Variants in POMT2 observed in about 807,000 individuals in gnomAD.
POMT2 encodes the protein protein O-mannosyltransferase 2.
A neutral mutation model predicts 100.0 loss-of-function variants in POMT2; 75 were observed. The ratio of observed to expected loss-of-function variants is 0.75; its 90% confidence interval spans 0.62 to 0.91. The LOEUF (loss-of-function observed/expected upper bound fraction) is 0.91. POMT2 is among the 40% of genes least tolerant of loss of function. The pLI, the probability that POMT2 is intolerant of heterozygous loss-of-function variation, is 0.00. For missense variants in POMT2, 940 were observed against 955.1 expected, an observed-to-expected ratio of 0.98 and a Z score of 0.21; for synonymous variants, 378 against 374.1, an observed-to-expected ratio of 1.01 and a Z score of -0.12.
chr14:77,280,318 C>A, intron 16 of POMT2, 74 bp downstream of exon 16: 1 of 1,604,502 alleles, frequency 6.2e-7, no homozygotes, highest in Non-Finnish European at 8.5e-7. Flanking sequence ...GTACACCCAC[C>A]CCCGCCTCCA....
At chr14:77,293,824 C>G (rs1384198239) in intron 9 of POMT2, among the ~76,000 whole-genome samples, 4 of 152,226 alleles carry the variant, frequency 2.6e-5, no homozygotes, top group Non-Finnish European at 2.9e-5. Flanking sequence ...CAGAGCCTTT[C>G]AGAGTTTGGC....
chr14:77,311,056 T>C (rs1044066509), intron 2 of POMT2, among the ~76,000 whole-genome samples: 9 of 152,276 alleles, frequency 5.9e-5, no homozygotes, highest in Admixed American at 5.9e-4. Context: ...TCACTTAAAC[T>C]TGGGAAGCAG....
At chr14:77,315,796 G>C (rs1335001580) in intron 1 of POMT2, among the ~76,000 whole-genome samples, 1 of 152,230 alleles carries the variant, frequency 6.6e-6, no homozygotes, top group African/African-American at 2.4e-5. Context: ...CGGATCACCT[G>C]AGGTCAGGAG....
At position 77,311,822 on chromosome 14, in the gene POMT2, G is replaced by A. The variant is rs549628640; in HGVS notation, c.333+127C>T. 1.9e-5 allele frequency: 27 copies of A among 1,443,478 alleles called. No homozygotes were observed. In the South Asian group the frequency reaches 3.7e-4, roughly 20 times the overall value. The allele number at this position is 1,443,478 out of a possible 1,614,324, so 89.4% of individuals were successfully genotyped here. On this transcript the variant is annotated intron_variant, in intron 2 of 20. Coordinates refer to ENST00000261534, the MANE Select transcript of POMT2 (RefSeq NM_013382.7). ...TCCATGAAAGTAGCTGGTCTGAAAT[G>A]TCAGAAAATTCTTTCTACAAGTCCC...
At chr14:77,283,213 AAAC>A (rs1890292571) in intron 15 of POMT2, among the ~76,000 whole-genome samples, 1 of 152,360 alleles carries the variant, frequency 6.6e-6, no homozygotes, top group Middle Eastern at 3.4e-3. Context: ...TGCTGCATAT[AAAC>A]AACACACTCA....
intron 1 of POMT2, 63 bp from the exon 2 acceptor site, chr14:77,312,096 C>T: frequency 6.3e-7 from 1 of 1,585,044 alleles, no homozygotes; most frequent in Admixed American, 1.8e-5. Context: ...AAATGGCCTT[C>T]ATAAAGCATG....
intron 15 of POMT2, among the ~76,000 whole-genome samples, chr14:77,282,378 G>A (rs1890267797): frequency 6.6e-6 from 1 of 152,150 alleles, no homozygotes; most frequent in South Asian, 2.1e-4. Flanking sequence ...CAGGTCCCGG[G>A]CCACTACTCA....
intron 1 of POMT2, 51 bp from the exon 2 acceptor site, chr14:77,312,084 C>T (rs372035729): frequency 8.8e-6 from 14 of 1,599,520 alleles, no homozygotes; most frequent in Admixed American, 3.4e-5. Context: ...ATCATAAAAT[C>T]CAAATGGCCT....
rs374803680 is a variant in POMT2 at position 77,288,726 on chromosome 14, G to C, written c.1253+36C>G. The stretch of plus-strand genomic sequence containing the variant: ...AAATAACTCCCTCCCCTTGGTGCCC[G>C]TACCATTTATTTATCCAAACTGCAA... On this transcript the variant is annotated intron_variant, in intron 11 of 20. Transcript: ENST00000261534. 1.9e-6 allele frequency: 3 copies of C among 1,568,248 alleles called. No individual in the cohort carries two copies. The Admixed American group carries it at 5.0e-5, about 26-fold the overall frequency.
chr14:77,303,486 C>T (rs1256704447), intron 4 of POMT2, among the ~76,000 whole-genome samples: 1 of 152,162 alleles, frequency 6.6e-6, no homozygotes, highest in Admixed American at 6.5e-5. Context: ...AGAGTCTGTG[C>T]GGTCTCCCTA....
At chr14:77,280,231 G>A in intron 16 of POMT2, 151 bp from the exon 17 acceptor site, 1 of 1,559,006 alleles carries the variant, frequency 6.4e-7, no homozygotes, top group South Asian at 1.2e-5. Context: ...GGGAAGCAGG[G>A]TCAGAATTAG....
At chr14:77,284,717 T>A (rs1412338969) in intron 14 of POMT2, among the ~76,000 whole-genome samples, 2 of 151,990 alleles carry the variant, frequency 1.3e-5, no homozygotes, top group Non-Finnish European at 2.9e-5. Flanking sequence ...GACAGATGGA[T>A]CTGCAGATGG....
Position 77,277,034 on chromosome 14 carries a change from C to T in POMT2, c.*342G>A, listed in dbSNP as rs1414784036. On this transcript the variant is annotated 3_prime_UTR_variant, in exon 21 of 21. Transcript: ENST00000261534. Reference sequence around the variant, plus strand: ...TTTATGACACTCAGCTGTCCAGTTACACGGTCTGTATTCCACAGGGATATG... The same window carrying T: ...TTTATGACACTCAGCTGTCCAGTTATACGGTCTGTATTCCACAGGGATATG... 10 of 320,656 alleles carry T rather than the reference C, an allele frequency of 3.1e-5. No individual in the cohort carries two copies. Among genetic ancestry groups the T allele is most frequent in the Non-Finnish European group, 4.8e-5 (8 of 166,620 alleles). 19.9% of individuals were successfully genotyped at this position (320,656 alleles called of 1,614,324 possible). A position where few individuals can be genotyped will look rare whatever the true frequency, so the allele number is the denominator to read the frequency against.
At chr14:77,288,703 A>ATT in intron 11 of POMT2, 59 bp downstream of exon 11, 1 of 1,464,530 alleles carries the variant, frequency 6.8e-7, no homozygotes, top group South Asian at 1.1e-5. Flanking sequence ...ACTTCTTAAA[A>ATT]TAACTCCCTC....
intron 2 of POMT2, among the ~76,000 whole-genome samples, chr14:77,309,049 T>C (rs1185516931): frequency 6.6e-6 from 1 of 152,226 alleles, no homozygotes; most frequent in African/African-American, 2.4e-5. Flanking sequence ...AGAAGATATA[T>C]CATGTTTCAA....
intron 18 of POMT2, 172 bp from the exon 19 acceptor site, chr14:77,279,041 G>T: frequency 1.1e-6 from 1 of 896,754 alleles, no homozygotes; most frequent in Non-Finnish European, 1.8e-6. Flanking sequence ...GGGCTCGAGA[G>T]CTCTGGTCAG....
intron 15 of POMT2, among the ~76,000 whole-genome samples, chr14:77,281,390 C>T (rs1363719943): frequency 6.6e-6 from 1 of 152,162 alleles, no homozygotes; most frequent in Admixed American, 6.5e-5. Flanking sequence ...TTTTGCCCTC[C>T]AAGAACACAT....
chr14:77,295,563 C>T (rs1018069382), intron 9 of POMT2, among the ~76,000 whole-genome samples: 7 of 143,864 alleles, frequency 4.9e-5, no homozygotes, highest in South Asian at 2.2e-4. Flanking sequence ...ACCCGGGAGG[C>T]GGAGTTTGCA....
chr14:77,302,674 A>C (rs1417082666), intron 5 of POMT2, among the ~76,000 whole-genome samples, 161 bp downstream of exon 5: 1 of 147,214 alleles, frequency 6.8e-6, no homozygotes, highest in East Asian at 2.1e-4. Flanking sequence ...TTTATGATCT[A>C]AAATGGACAA....
Sources: gnomAD v4.1 joint callset for allele counts (sites outside exome capture counted in the v4.1 genomes callset) on GRCh38, gnomAD v4.1.1 for gene constraint, MANE v1.5 for transcripts, NCBI Gene and HGNC (gene_info 2026-07-23, HGNC 2026-07-21) for gene names.